The following ZC3H12B variants were observed in gnomAD, a reference collection of about 807,000 sequenced individuals.
ZC3H12B encodes probable ribonuclease ZC3H12B.
A neutral mutation model predicts 43.9 loss-of-function variants in ZC3H12B; 7 were observed. The observed-to-expected ratio is 0.16, with a 90% CI of 0.09 to 0.30. The LOEUF (loss-of-function observed/expected upper bound fraction) is 0.30, where lower values mean the gene tolerates loss of function less well. ZC3H12B is among the 10% of genes least tolerant of loss of function. The probability of loss-of-function intolerance (pLI) is 1.00; values close to 1 mark genes in which losing one functional copy is unlikely to be tolerated. For synonymous variants in ZC3H12B, 222 were observed against 241.7 expected, an observed-to-expected ratio of 0.92 and a Z score of 0.76; for missense variants, 475 against 670.2, an observed-to-expected ratio of 0.71 and a Z score of 3.22.
the ZC3H12B span, among the ~76,000 whole-genome samples, chrX:65,154,592 T>C: frequency 3.6e-5 from 4 of 112,481 alleles, no homozygotes; most frequent in African/African-American, 1.3e-4. Flanking sequence ...CCATTGGCCG[T>C]GTGGCGGTTC....
the ZC3H12B span, among the ~76,000 whole-genome samples, chrX:65,262,693 A>T: frequency 5.0e-4 from 56 of 111,335 alleles, no homozygotes; most frequent in African/African-American, 1.8e-3. Context: ...TTGAAGACAC[A>T]AACTCCAAGA....
chrX:65,156,771 C>G, the ZC3H12B span, among the ~76,000 whole-genome samples: 1 of 111,134 alleles, frequency 9.0e-6, no homozygotes, highest in African/African-American at 3.3e-5. Flanking sequence ...CCACCTCAAA[C>G]TCCCAGAATG....
chrX:65,183,707 G>T, the ZC3H12B span, among the ~76,000 whole-genome samples: 1 of 111,528 alleles, frequency 9.0e-6, no homozygotes, highest in African/African-American at 3.2e-5. Context: ...TTACAGGTTT[G>T]GTTGTTTGTT....
the ZC3H12B span, among the ~76,000 whole-genome samples, chrX:65,039,490 C>T: frequency 4.5e-5 from 5 of 111,706 alleles, no homozygotes; most frequent in African/African-American, 1.6e-4. Context: ...TATAACCTTT[C>T]ACAGCCTTGA....
At chrX:65,168,002 T>C in the ZC3H12B span, among the ~76,000 whole-genome samples, 3 of 111,426 alleles carry the variant, frequency 2.7e-5, no homozygotes, top group Non-Finnish European at 3.8e-5. Context: ...TTGACTTCCT[T>C]TTTTCCTAAT....
the ZC3H12B span, among the ~76,000 whole-genome samples, chrX:65,358,715 C>A: frequency 4.5e-5 from 5 of 111,148 alleles, no homozygotes; most frequent in African/African-American, 1.6e-4. Flanking sequence ...GCACTAAATG[C>A]CCACAAGAGA....
chrX:65,057,591 G>C, the ZC3H12B span, among the ~76,000 whole-genome samples: 1 of 110,984 alleles, frequency 9.0e-6, no homozygotes. Flanking sequence ...GAGTATCTTC[G>C]TGGCATTCTC....
intron 3 of ZC3H12B, among the ~76,000 whole-genome samples, chrX:65,406,632 C>A (rs867933054): frequency 8.1e-5 from 8 of 98,180 alleles, no homozygotes; most frequent in Admixed American, 2.2e-4. Flanking sequence ...CTGGGCGGGG[C>A]CGGGCGGGGC....
intron 3 of ZC3H12B, among the ~76,000 whole-genome samples, chrX:65,455,187 G>A (rs1295032621): frequency 1.8e-5 from 2 of 112,135 alleles, no homozygotes; most frequent in Non-Finnish European, 3.8e-5. Flanking sequence ...CTGGGCTAAA[G>A]GAGGAAGTTT....
the ZC3H12B span, among the ~76,000 whole-genome samples, chrX:65,224,986 T>G: frequency 8.9e-6 from 1 of 111,772 alleles, no homozygotes; most frequent in Admixed American, 9.4e-5. Context: ...CTCTGCAGAC[T>G]TAAATGTCCC....
exon 5 of ZC3H12B, chrX:65,505,857 T>C (rs970882756): frequency 8.8e-6 from 1 of 113,296 alleles, no homozygotes; most frequent in Non-Finnish European, 1.9e-5. Context: ...TATGTATTTC[T>C]GATTTACTAA....
At chrX:65,348,448 C>A in the ZC3H12B span, among the ~76,000 whole-genome samples, 14 of 111,123 alleles carry the variant, frequency 1.3e-4, no homozygotes, top group Admixed American at 2.9e-4. Flanking sequence ...GAAGAAACTG[C>A]ATCAACTAAT....
the ZC3H12B span, among the ~76,000 whole-genome samples, chrX:65,098,363 G>A: frequency 9.1e-6 from 1 of 110,328 alleles, no homozygotes; most frequent in Non-Finnish European, 1.9e-5. Flanking sequence ...TTATTATAAG[G>A]AATTAACAAC....
chrX:65,186,185 T>G, the ZC3H12B span: 1 of 111,169 alleles, frequency 9.0e-6, no homozygotes, highest in Admixed American at 9.6e-5. Context: ...GTTGCTATGG[T>G]TTTCCTGTGA....
chrX:65,388,062 C>T (rs2066555817), intron 2 of ZC3H12B, among the ~76,000 whole-genome samples: 1 of 111,981 alleles, frequency 8.9e-6, no homozygotes, highest in African/African-American at 3.3e-5. Context: ...TTCTCTCTGG[C>T]TGCCCTTGCC....
At chrX:65,263,227 C>A in the ZC3H12B span, among the ~76,000 whole-genome samples, 1 of 111,198 alleles carries the variant, frequency 9.0e-6, no homozygotes, top group African/African-American at 3.3e-5. Context: ...AATTTTGGAG[C>A]AATTCACAGA....
At chrX:65,043,301 A>G in the ZC3H12B span, among the ~76,000 whole-genome samples, 1 of 111,163 alleles carries the variant, frequency 9.0e-6, no homozygotes, top group African/African-American at 3.3e-5. Flanking sequence ...GTTTCTTAAA[A>G]AAAAGCAAAG....
At chrX:65,336,136 A>T in the ZC3H12B span, among the ~76,000 whole-genome samples, 1 of 112,404 alleles carries the variant, frequency 8.9e-6, no homozygotes, top group Non-Finnish European at 1.9e-5. Flanking sequence ...GCTTAAGACT[A>T]GCCTCTTGAA....
the ZC3H12B span, among the ~76,000 whole-genome samples, chrX:65,199,836 T>C: frequency 9.1e-6 from 1 of 109,981 alleles, no homozygotes; most frequent in South Asian, 4.0e-4. Flanking sequence ...ACATTTGCTT[T>C]ATCCAATCTA....
Sources: allele counts gnomAD v4.1 joint callset (sites outside exome capture counted in the v4.1 genomes callset), GRCh38; gene constraint gnomAD v4.1.1; transcripts MANE v1.5; gene names NCBI Gene and HGNC (gene_info 2026-07-23, HGNC 2026-07-21).